Variants in SPSB4 observed in about 807,000 individuals in gnomAD.
SPSB4 encodes the protein splA/ryanodine receptor domain and SOCS box containing 4.
SPSB4 carries 21 observed loss-of-function variants against 20.9 expected under a neutral mutation model. The ratio of observed to expected loss-of-function variants is 1.01; its 90% CI spans 0.71 to 1.45. SPSB4 has a LOEUF of 1.45. Ranked by LOEUF, SPSB4 falls within the 40% of genes most tolerant of loss-of-function variation. The pLI, the probability that SPSB4 is intolerant of heterozygous loss-of-function variation, is 0.00. For synonymous variants in SPSB4, 207 were observed against 183.8 expected, an observed-to-expected ratio of 1.13 and a Z score of -1.02; for missense variants, 399 against 399.2, an observed-to-expected ratio of 1.00 and a Z score of 0.00.
At chr3:141,132,473 C>T (rs1420056029) in intron 2 of SPSB4, among the ~76,000 whole-genome samples, 3 of 152,138 alleles carry the variant, frequency 2.0e-5, no homozygotes, top group African/African-American at 4.8e-5. Context: ...GCTTTTATGT[C>T]GTTCTTATGA....
Position 141,066,176 on chromosome 3 carries a change from G to T in SPSB4, c.72G>T (p.Arg24=), listed in dbSNP as rs757217226. 5.2e-6 allele frequency: 8 copies of T among 1,532,154 alleles called. No homozygotes were observed. Among genetic ancestry groups the T allele is most frequent in the Admixed American group, 2.0e-5 (1 of 49,072 alleles). The allele number at this position is 1,532,154 out of a possible 1,614,324, so 94.9% of individuals were successfully genotyped here. The part of the protein sequence containing the change: ...VREPALRPAK[R]ELRGAEPGRP... ...AGCCGGCGCTGCGGCCGGCCAAGCG[G>T]GAGCTGCGGGGTGCAGAGCCCGGGC... is the stretch of plus-strand genomic sequence containing the variant. The change falls in exon 2 of 3, where the codon CGG becomes CGT. Residue 24 remains arginine, a synonymous_variant. Coordinates refer to ENST00000310546, the MANE Select transcript of SPSB4 (RefSeq NM_080862.3).
At chr3:141,090,489 G>A (rs1172555775) in intron 2 of SPSB4, among the ~76,000 whole-genome samples, 1 of 151,338 alleles carries the variant, frequency 6.6e-6, no homozygotes, top group African/African-American at 2.5e-5. Flanking sequence ...CGTGGAGAAA[G>A]TGATATTTAA....
chr3:141,140,816 C>A (rs1437495574), intron 2 of SPSB4, among the ~76,000 whole-genome samples: 1 of 151,964 alleles, frequency 6.6e-6, no homozygotes, highest in Non-Finnish European at 1.5e-5. Context: ...GTTCTCAGAT[C>A]TCAAGCTGCG....
chr3:141,132,641 C>T (rs1312219377), intron 2 of SPSB4, among the ~76,000 whole-genome samples: 1 of 142,120 alleles, frequency 7.0e-6, no homozygotes, highest in African/African-American at 2.9e-5. Context: ...GAGTAGTATT[C>T]CAAGGTGTGT....
chr3:141,091,301 A>G (rs1356325050), intron 2 of SPSB4, among the ~76,000 whole-genome samples: 1 of 152,234 alleles, frequency 6.6e-6, no homozygotes, highest in Non-Finnish European at 1.5e-5. Flanking sequence ...CTGCTTCTGT[A>G]AAGTAGGGAT....
intron 2 of SPSB4, among the ~76,000 whole-genome samples, chr3:141,090,038 T>G (rs1938421466): frequency 1.5e-5 from 2 of 136,956 alleles, no homozygotes; most frequent in African/African-American, 5.4e-5. Context: ...TACAGACCAC[T>G]TATAAATGAG....
At chr3:141,145,503 A>G (rs1939398970) in intron 2 of SPSB4, among the ~76,000 whole-genome samples, 2 of 152,158 alleles carry the variant, frequency 1.3e-5, no homozygotes, top group Admixed American at 6.5e-5. Context: ...GTGATAAAAA[A>G]ATGTTTGAAA....
At position 141,084,796 on chromosome 3, in the gene SPSB4, G is replaced by A. The variant is rs1278306363; in HGVS notation, c.694+17998G>A. 2.0e-5 allele frequency among the ~76,000 whole-genome samples: 3 copies of A among 152,220 alleles called. No individual in the cohort carries two copies. In the East Asian group the frequency reaches 5.8e-4, roughly 29 times the overall value. The stretch of plus-strand genomic sequence containing the variant: ...TGCTGGAGCTTCTATAGCTCAGAAT[G>A]TCTGACCCCTCCAGATGCTCATTCA... On this transcript the variant is annotated intron_variant, in intron 2 of 2. Coordinates refer to ENST00000310546, the MANE Select transcript of SPSB4 (RefSeq NM_080862.3).
At chr3:141,110,969 A>G (rs1938787511) in intron 2 of SPSB4, among the ~76,000 whole-genome samples, 1 of 152,080 alleles carries the variant, frequency 6.6e-6, no homozygotes, top group African/African-American at 2.4e-5. Context: ...TCCCCCAGAA[A>G]CCTGTGCATG....
chr3:141,073,251 AGTAG>A (rs1938039088), intron 2 of SPSB4, among the ~76,000 whole-genome samples: 1 of 152,238 alleles, frequency 6.6e-6, no homozygotes, highest in African/African-American at 2.4e-5. Flanking sequence ...TGAGGCTCAC[AGTAG>A]GTTAATATTG....
intron 2 of SPSB4, among the ~76,000 whole-genome samples, chr3:141,113,390 T>C (rs748422421): frequency 1.3e-5 from 2 of 152,168 alleles, no homozygotes; most frequent in Non-Finnish European, 2.9e-5. Flanking sequence ...CAGCCCAAAA[T>C]GTCCACCAGT....
At chr3:141,085,765 G>A (rs1054887487) in intron 2 of SPSB4, among the ~76,000 whole-genome samples, 7 of 152,218 alleles carry the variant, frequency 4.6e-5, no homozygotes, top group Non-Finnish European at 8.8e-5. Flanking sequence ...TGTGGGTGTG[G>A]AGCCAATAGC....
intron 2 of SPSB4, among the ~76,000 whole-genome samples, chr3:141,111,832 A>G (rs1053828995): frequency 6.6e-6 from 1 of 152,120 alleles, no homozygotes; most frequent in Non-Finnish European, 1.5e-5. Context: ...ATCGGGCAAG[A>G]GTCTAGGGCT....
intron 2 of SPSB4, among the ~76,000 whole-genome samples, chr3:141,091,342 A>C (rs1005356247): frequency 6.6e-6 from 1 of 152,206 alleles, no homozygotes; most frequent in African/African-American, 2.4e-5. Context: ...GAGCATTGTC[A>C]TGGAGATTAG....
intron 2 of SPSB4, among the ~76,000 whole-genome samples, chr3:141,112,226 A>C (rs566094964): frequency 6.6e-6 from 1 of 152,376 alleles, no homozygotes; most frequent in Non-Finnish European, 1.5e-5. Flanking sequence ...TATGAGGATT[A>C]AATGAGCTAA....
intron 2 of SPSB4, chr3:141,116,959 CTCTGAGCCCCAGA>C (rs1938888909): frequency 6.6e-6 from 1 of 152,178 alleles, no homozygotes; most frequent in Admixed American, 6.5e-5. Flanking sequence ...ACAGAGCTGG[CTCTGAGCCCCAGA>C]TCTGAGCCCC....
At chr3:141,062,139 G>A (rs905826644) in intron 1 of SPSB4, among the ~76,000 whole-genome samples, 2 of 152,162 alleles carry the variant, frequency 1.3e-5, no homozygotes, top group African/African-American at 2.4e-5. Flanking sequence ...CTCAGACTTT[G>A]GTTCCGATGA....
At chr3:141,075,863 A>C (rs1938095235) in intron 2 of SPSB4, among the ~76,000 whole-genome samples, 1 of 146,476 alleles carries the variant, frequency 6.8e-6, no homozygotes, top group South Asian at 2.2e-4. Flanking sequence ...CCTGTCCAAC[A>C]CGACGAAACC....
intron 2 of SPSB4, among the ~76,000 whole-genome samples, chr3:141,077,790 G>A (rs1231054878): frequency 5.9e-5 from 9 of 152,176 alleles, no homozygotes; most frequent in Admixed American, 1.3e-4. Flanking sequence ...CAGTGGGAGT[G>A]GGCTGTTTAG....
Sources: gnomAD v4.1 joint callset for allele counts (sites outside exome capture counted in the v4.1 genomes callset) on GRCh38, gnomAD v4.1.1 for gene constraint, MANE v1.5 for transcripts, NCBI Gene and HGNC (gene_info 2026-07-23, HGNC 2026-07-21) for gene names.